SPATA16: variants seen among roughly 807,000 people sequenced by gnomAD.
The protein encoded by SPATA16 is spermatogenesis associated 16.
Under a neutral mutation model 63.3 loss-of-function variants are expected in SPATA16, and 36 were observed. That is an observed-to-expected ratio of 0.57 (90% CI 0.44 to 0.75). SPATA16 has a LOEUF of 0.75. Ranked by LOEUF, SPATA16 falls within the 30% of genes least tolerant of loss-of-function variation. The probability of loss-of-function intolerance (pLI) is 0.00; values close to 1 mark genes in which losing one functional copy is unlikely to be tolerated. For synonymous variants in SPATA16, 203 were observed against 216.7 expected (o/e 0.94, Z 0.56); for missense variants, 646 against 679.3 (o/e 0.95, Z 0.54).
intron 2 of SPATA16, among the ~76,000 whole-genome samples, chr3:173,102,023 A>G (rs1202438821): frequency 8.5e-5 from 13 of 152,172 alleles, no homozygotes; most frequent in African/African-American, 3.1e-4. Context: ...AAACTTTTGG[A>G]TTCTCAGAGA....
chr3:173,028,160 G>A (rs561292152), intron 3 of SPATA16, among the ~76,000 whole-genome samples: 1 of 150,394 alleles, frequency 6.6e-6, no homozygotes, highest in Non-Finnish European at 1.5e-5. Context: ...TGTTAGCAAA[G>A]TAGTGATTGT....
chr3:173,113,952 G>C (rs1393109185), intron 2 of SPATA16, among the ~76,000 whole-genome samples: 16 of 152,116 alleles, frequency 1.1e-4, no homozygotes, highest in Non-Finnish European at 5.9e-5. Flanking sequence ...GGCCGAGGTG[G>C]GTGGATCACC....
intron 4 of SPATA16, among the ~76,000 whole-genome samples, chr3:173,012,773 T>C (rs1735100529): frequency 6.6e-6 from 1 of 152,244 alleles, no homozygotes; most frequent in East Asian, 1.9e-4. Context: ...ACACAAAAAT[T>C]AACTCAAGAT....
chr3:173,140,633 C>T (rs9808970), intron 1 of SPATA16, among the ~76,000 whole-genome samples: 3 of 151,976 alleles, frequency 2.0e-5, no homozygotes, highest in Admixed American at 2.0e-4. Flanking sequence ...TAATATTATG[C>T]GTTAAGGAGA....
intron 2 of SPATA16, among the ~76,000 whole-genome samples, chr3:173,056,177 A>G (rs1481648820): frequency 1.3e-5 from 2 of 152,150 alleles, no homozygotes; most frequent in Non-Finnish European, 2.9e-5. Context: ...CATCTTCATC[A>G]TTATGTCTGT....
intron 2 of SPATA16, among the ~76,000 whole-genome samples, chr3:173,094,979 C>G (rs1737317299): frequency 6.6e-6 from 1 of 152,006 alleles, no homozygotes. Flanking sequence ...AGCCATGGTT[C>G]TATGTAAAAT....
intron 2 of SPATA16, among the ~76,000 whole-genome samples, chr3:173,101,754 A>G (rs540703160): frequency 1.3e-5 from 2 of 151,906 alleles, no homozygotes; most frequent in Admixed American, 6.6e-5. Context: ...CAAAACCTAT[A>G]CTCTAGATCC....
At chr3:172,923,591 C>T (rs373520989) in intron 8 of SPATA16, among the ~76,000 whole-genome samples, 2 of 152,136 alleles carry the variant, frequency 1.3e-5, no homozygotes, top group South Asian at 2.1e-4. Context: ...GAGAAGTTCT[C>T]TTTATATACT....
At chr3:172,977,202 T>C (rs1734183131) in intron 4 of SPATA16, 150 bp from the exon 5 acceptor site, 1 of 697,480 alleles carries the variant, frequency 1.4e-6, no homozygotes. Flanking sequence ...ACAAAGCACA[T>C]TTTAGAGTGT....
intron 8 of SPATA16, among the ~76,000 whole-genome samples, chr3:172,920,148 AT>A (rs1732587254): frequency 6.6e-6 from 1 of 152,222 alleles, no homozygotes; most frequent in East Asian, 1.9e-4. Flanking sequence ...TGAAGCTCTG[AT>A]TTTGAGCCCT....
At chr3:173,005,616 A>C (rs1246885880) in intron 4 of SPATA16, among the ~76,000 whole-genome samples, 1 of 152,216 alleles carries the variant, frequency 6.6e-6, no homozygotes, top group Non-Finnish European at 1.5e-5. Context: ...TTTAGAGGTA[A>C]TGCAAATTCA....
intron 2 of SPATA16, among the ~76,000 whole-genome samples, chr3:173,075,452 C>T (rs1215000374): frequency 6.6e-6 from 1 of 152,064 alleles, no homozygotes; most frequent in Admixed American, 6.5e-5. Flanking sequence ...GAAAGGAAAT[C>T]AGTATATCAA....
At chr3:173,053,481 C>T (rs1477072906) in intron 2 of SPATA16, among the ~76,000 whole-genome samples, 1 of 152,052 alleles carries the variant, frequency 6.6e-6, no homozygotes, top group Non-Finnish European at 1.5e-5. Flanking sequence ...AAATAAATAT[C>T]TAACTTACTT....
At chr3:173,074,865 G>A (rs1560114892) in intron 2 of SPATA16, among the ~76,000 whole-genome samples, 1 of 151,814 alleles carries the variant, frequency 6.6e-6, no homozygotes, top group East Asian at 1.9e-4. Flanking sequence ...GGGCATAGTG[G>A]CGTATGCCTG....
intron 5 of SPATA16, among the ~76,000 whole-genome samples, chr3:172,966,402 C>T (rs574377009): frequency 2.0e-5 from 3 of 152,254 alleles, no homozygotes; most frequent in African/African-American, 7.2e-5. Context: ...TGAAATAATC[C>T]TCCTGAGGTT....
At chr3:173,026,518 A>G (rs934698252) in intron 3 of SPATA16, among the ~76,000 whole-genome samples, 36 of 151,952 alleles carry the variant, frequency 2.4e-4, no homozygotes, top group Non-Finnish European at 5.0e-4. Context: ...GCTTAATCCA[A>G]GGTGACAAAG....
chr3:172,953,634 C>T (rs141634469), intron 6 of SPATA16, among the ~76,000 whole-genome samples: 33 of 152,290 alleles, frequency 2.2e-4, no homozygotes, highest in Admixed American at 2.0e-3. Flanking sequence ...AGGTCCTGCT[C>T]AAGACGCCAG....
chr3:173,107,290 TCATC>T (rs1737642551), intron 2 of SPATA16, among the ~76,000 whole-genome samples: 1 of 152,136 alleles, frequency 6.6e-6, no homozygotes, highest in Admixed American at 6.6e-5. Context: ...ATCACTATCA[TCATC>T]ATCCACCCAA....
intron 2 of SPATA16, among the ~76,000 whole-genome samples, chr3:173,109,956 T>C (rs1412461498): frequency 6.6e-6 from 1 of 152,224 alleles, no homozygotes; most frequent in East Asian, 1.9e-4. Context: ...ATTTGTATTA[T>C]TTAATCAGTG....
Sources: allele counts gnomAD v4.1 joint callset (sites outside exome capture counted in the v4.1 genomes callset), GRCh38; gene constraint gnomAD v4.1.1; transcripts MANE v1.5; gene names NCBI Gene and HGNC (gene_info 2026-07-23, HGNC 2026-07-21).